Variants in GRID2 observed in about 807,000 individuals in gnomAD.
GRID2 encodes the protein glutamate ionotropic receptor delta type subunit 2, also known as glutamate receptor ionotropic, delta-2.
A neutral mutation model predicts 114.8 loss-of-function variants in GRID2; 33 were observed. The ratio of observed to expected loss-of-function variants is 0.29; its 90% confidence interval spans 0.22 to 0.38. The LOEUF (loss-of-function observed/expected upper bound fraction) is 0.38, where lower values mean the gene tolerates loss of function less well. GRID2 is among the 10% of genes least tolerant of loss of function. The pLI, the probability that GRID2 is intolerant of heterozygous loss-of-function variation, is 1.00. For missense variants in GRID2, 1,184 were observed against 1,257.7 expected, an observed-to-expected ratio of 0.94 and a Z score of 0.89; for synonymous variants, 505 against 449.9, an observed-to-expected ratio of 1.12 and a Z score of -1.55.
intron 1 of GRID2, among the ~76,000 whole-genome samples, chr4:92,540,716 A>T (rs1162821732): frequency 1.3e-5 from 2 of 152,212 alleles, no homozygotes; most frequent in Admixed American, 1.3e-4. Context: ...TAGTTCAACC[A>T]TTGTGGAAGT....
At chr4:93,125,245 T>G (rs991436319) in intron 4 of GRID2, among the ~76,000 whole-genome samples, 4 of 152,160 alleles carry the variant, frequency 2.6e-5, no homozygotes, top group African/African-American at 9.6e-5. Context: ...CCTTATAAAG[T>G]TAAATATAAA....
At chr4:93,045,568 G>A (rs1726051236) in intron 2 of GRID2, among the ~76,000 whole-genome samples, 2 of 151,948 alleles carry the variant, frequency 1.3e-5, no homozygotes, top group Admixed American at 6.6e-5. Context: ...AAACAACAGG[G>A]GACATTTAAA....
chr4:93,601,504 T>G lies in GRID2; in HGVS notation c.2194-24765T>G, dbSNP rs1239783791. 2.0e-5 allele frequency among the ~76,000 whole-genome samples: 3 copies of G among 152,238 alleles called. No homozygotes were observed. The East Asian group carries it at 5.8e-4, about 29-fold the overall frequency. The stretch of plus-strand genomic sequence containing the variant: ...GAGGGGCATTTTAACTAAGGAATCC[T>G]GATAACACCAACAGCTGAGTTATTC... On this transcript the variant is annotated intron_variant, in intron 13 of 15. Coordinates refer to ENST00000282020, the MANE Select transcript of GRID2 (RefSeq NM_001510.4).
intron 2 of GRID2, among the ~76,000 whole-genome samples, chr4:92,615,162 C>G (rs574779802): frequency 1.3e-5 from 2 of 151,564 alleles, no homozygotes; most frequent in East Asian, 3.9e-4. Context: ...GTTGCAAATG[C>G]CTGCCTTCTC....
chr4:93,104,615 T>C (rs897769394), intron 3 of GRID2, among the ~76,000 whole-genome samples: 17 of 152,226 alleles, frequency 1.1e-4, no homozygotes, highest in African/African-American at 2.4e-4. Flanking sequence ...ATTTCATCCA[T>C]GTCCCTACAG....
Position 92,757,761 on chromosome 4 carries a change from G to T in GRID2, c.244+167475G>T, listed in dbSNP as rs184538986. ...AGCCATTGAAGCAGAATGAAAAGCA[G>T]ATGTTTTCTATAGGCTAAAAAGCTG... On this transcript the variant is annotated intron_variant, in intron 2 of 15. Transcript: ENST00000282020. 1.1e-4 allele frequency among the ~76,000 whole-genome samples: 17 copies of T among 151,904 alleles called. No homozygotes were observed. The East Asian group carries it at 3.1e-3, about 28-fold the overall frequency.
At chr4:93,643,847 C>G (rs1189172127) in intron 14 of GRID2, among the ~76,000 whole-genome samples, 2 of 81,034 alleles carry the variant, frequency 2.5e-5, no homozygotes, top group East Asian at 2.6e-4. Flanking sequence ...CCACCCAGTT[C>G]GAGCTTCCAG....
chr4:92,366,209 A>T (rs1285530326), intron 1 of GRID2, among the ~76,000 whole-genome samples: 1 of 152,052 alleles, frequency 6.6e-6, no homozygotes. Context: ...ACTATCAAGA[A>T]GCCAGCTAAG....
In GRID2 at chr4:93,422,603, A is replaced by G. The variant is rs574567339; in HGVS notation, c.1348-168A>G. On this transcript the variant is annotated intron_variant, in intron 9 of 15. Transcript: ENST00000282020. The stretch of plus-strand genomic sequence containing the variant: ...ATGATAAGAAATTGAATGATTAAGC[A>G]TTGTTAAATAATATGATGCGTTAAT... 4.9e-4 allele frequency among the ~76,000 whole-genome samples: 75 copies of G among 152,346 alleles called. 1 individual carries two copies. Among genetic ancestry groups the G allele is most frequent in the Middle Eastern group, 6.8e-3 (2 of 294 alleles).
At chr4:92,710,258 T>C (rs545690581) in intron 2 of GRID2, among the ~76,000 whole-genome samples, 2 of 146,886 alleles carry the variant, frequency 1.4e-5, no homozygotes, top group South Asian at 4.6e-4. Flanking sequence ...TAATATTTTA[T>C]TTGTAATTGC....
intron 2 of GRID2, among the ~76,000 whole-genome samples, chr4:93,025,374 G>A (rs1028358264): frequency 1.5e-4 from 23 of 151,720 alleles, no homozygotes; most frequent in African/African-American, 4.8e-4. Flanking sequence ...AGAAGCTCAT[G>A]TTCCCTATTC....
intron 8 of GRID2, among the ~76,000 whole-genome samples, chr4:93,350,303 C>A (rs1007659693): frequency 3.3e-5 from 5 of 152,072 alleles, no homozygotes; most frequent in African/African-American, 1.2e-4. Flanking sequence ...TTCAACAGAA[C>A]CTATGCTTTA....
chr4:92,351,930 T>C (rs997853260), intron 1 of GRID2, among the ~76,000 whole-genome samples: 4 of 152,074 alleles, frequency 2.6e-5, no homozygotes, highest in African/African-American at 9.6e-5. Flanking sequence ...GTTGATTCCA[T>C]CTCTTGACTG....
chr4:92,857,867 T>C (rs551248276), intron 2 of GRID2, among the ~76,000 whole-genome samples: 1 of 152,220 alleles, frequency 6.6e-6, no homozygotes. Context: ...TCTCTTGTTA[T>C]GGGCTAATGA....
chr4:92,945,034 C>A (rs1751518095), intron 2 of GRID2, among the ~76,000 whole-genome samples: 3 of 152,084 alleles, frequency 2.0e-5, no homozygotes, highest in Admixed American at 6.6e-5. Context: ...CAGTTACATT[C>A]AGTGGTGGTA....
Position 92,815,810 on chromosome 4 carries a change from A to C in GRID2, c.244+225524A>C, listed in dbSNP as rs538043958. Among the ~76,000 whole-genome samples the C allele has an allele frequency of 1.7e-3, 258 of 149,766 alleles. 1 individual carries two copies. The highest frequency in any genetic ancestry group is 4.7e-3 in the Admixed American group (70 of 14,844). Reference sequence around the variant, plus strand: ...GTGGTGTGTACCTGTAGTCCCAGCTACTTGGGAGGCTGAGGTGGAAAGATC... The same window carrying C: ...GTGGTGTGTACCTGTAGTCCCAGCTCCTTGGGAGGCTGAGGTGGAAAGATC... On this transcript the variant is annotated intron_variant, in intron 2 of 15. Coordinates refer to ENST00000282020, the MANE Select transcript of GRID2 (RefSeq NM_001510.4).
At chr4:92,627,484 G>T (rs760794381) in intron 2 of GRID2, among the ~76,000 whole-genome samples, 1 of 151,972 alleles carries the variant, frequency 6.6e-6, no homozygotes, top group Non-Finnish European at 1.5e-5. Context: ...ATATTTTACT[G>T]TTATTAGTAA....
intron 14 of GRID2, among the ~76,000 whole-genome samples, chr4:93,661,079 T>A (rs1723450070): frequency 6.6e-6 from 1 of 152,214 alleles, no homozygotes; most frequent in African/African-American, 2.4e-5. Context: ...TGTCCCCAGA[T>A]ATGCAGAAAT....
At chr4:92,356,783 A>C (rs1247950809) in intron 1 of GRID2, among the ~76,000 whole-genome samples, 1 of 151,818 alleles carries the variant, frequency 6.6e-6, no homozygotes, top group African/African-American at 2.4e-5. Context: ...TGAAAAAATC[A>C]ATGCAAAAAG....
Sources: gnomAD v4.1 joint callset for allele counts (sites outside exome capture counted in the v4.1 genomes callset) on GRCh38, gnomAD v4.1.1 for gene constraint, MANE v1.5 for transcripts, NCBI Gene and HGNC (gene_info 2026-07-23, HGNC 2026-07-21) for gene names.